ELAVL4: variants seen among roughly 807,000 people sequenced by gnomAD.
ELAVL4 encodes the protein ELAV-like protein 4.
ELAVL4 carries 1 observed loss-of-function variant against 35.6 expected under a neutral mutation model. The ratio of observed to expected loss-of-function variants is 0.03; its 90% CI spans 0.01 to 0.13. The LOEUF (loss-of-function observed/expected upper bound fraction) is 0.13, where lower values mean the gene tolerates loss of function less well. Ranked by LOEUF, ELAVL4 falls within the 10% of genes least tolerant of loss-of-function variation. The pLI is 1.00. For missense variants in ELAVL4, 267 were observed against 464.9 expected, an observed-to-expected ratio of 0.57 and a Z score of 3.91; for synonymous variants, 156 against 171.0, an observed-to-expected ratio of 0.91 and a Z score of 0.69.
At chr1:50,116,411 TGC>T (rs34730064) in intron 1 of ELAVL4, among the ~76,000 whole-genome samples, 21,932 of 93,422 alleles carry the variant, frequency 0.23, 1,783 homozygotes, top group East Asian at 0.57. Flanking sequence ...TGTGTGTGTG[TGC>T]GTGTGTGTGT....
At chr1:50,109,982 G>T in intron 1 of ELAVL4, 1 of 1,612,072 alleles carries the variant, frequency 6.2e-7, no homozygotes, top group Non-Finnish European at 8.5e-7. Flanking sequence ...AAAAGAGGAA[G>T]GCAGCCTGGA....
At chr1:50,196,976 T>C (rs2480681) in intron 5 of ELAVL4, among the ~76,000 whole-genome samples, 3,148 of 152,316 alleles carry the variant, frequency 0.021, 106 homozygotes, top group African/African-American at 0.07. Flanking sequence ...TAAGATGATT[T>C]AGTTAATGTA....
intron 2 of ELAVL4, among the ~76,000 whole-genome samples, chr1:50,146,620 C>G (rs377754886): frequency 6.6e-6 from 1 of 152,100 alleles, no homozygotes; most frequent in Middle Eastern, 3.2e-3. Flanking sequence ...TATCTTGTAC[C>G]AGAGCACTGG....
intron 1 of ELAVL4, among the ~76,000 whole-genome samples, chr1:50,085,991 C>T (rs892006104): frequency 9.9e-5 from 15 of 152,104 alleles, no homozygotes; most frequent in Non-Finnish European, 1.9e-4. Flanking sequence ...TTTGGGGTAA[C>T]TGTTCATGTG....
intron 1 of ELAVL4, among the ~76,000 whole-genome samples, chr1:50,131,845 G>C (rs980154825): frequency 6.8e-6 from 1 of 147,392 alleles, no homozygotes; most frequent in African/African-American, 2.5e-5. Flanking sequence ...GGGAAACTAA[G>C]AGGATTTTAA....
intron 1 of ELAVL4, among the ~76,000 whole-genome samples, chr1:50,113,772 C>T (rs532363008): frequency 5.3e-5 from 8 of 152,198 alleles, no homozygotes; most frequent in South Asian, 4.1e-4. Flanking sequence ...ACTATCCATT[C>T]CCCCATCCAT....
intron 1 of ELAVL4, among the ~76,000 whole-genome samples, chr1:50,082,446 T>C (rs1665049783): frequency 6.6e-6 from 1 of 152,248 alleles, no homozygotes; most frequent in Non-Finnish European, 1.5e-5. Context: ...CCTTTTTTCA[T>C]ATGTTTGTTG....
At chr1:50,119,036 AAAAGAAAGAAAGAAAG>A (rs531184149) in intron 1 of ELAVL4, among the ~76,000 whole-genome samples, 2,949 of 127,234 alleles carry the variant, frequency 0.023, 51 homozygotes, top group African/African-American at 0.035. Flanking sequence ...GAAAGAAAGA[AAAAGAAAGAAAGAAAG>A]AAAGAAAGAA....
intron 2 of ELAVL4, among the ~76,000 whole-genome samples, chr1:50,165,082 T>C (rs979728427): frequency 1.3e-5 from 2 of 152,128 alleles, no homozygotes; most frequent in Non-Finnish European, 2.9e-5. Flanking sequence ...GCCACTGTAG[T>C]TTTTTCATAC....
At chr1:50,088,745 C>T (rs1665358739) in intron 1 of ELAVL4, among the ~76,000 whole-genome samples, 1 of 152,086 alleles carries the variant, frequency 6.6e-6, no homozygotes, top group Non-Finnish European at 1.5e-5. Flanking sequence ...TAGACAGGCT[C>T]CTTCAATCAC....
At chr1:50,058,869 G>C (rs1271541460) in intron 1 of ELAVL4, among the ~76,000 whole-genome samples, 1 of 152,108 alleles carries the variant, frequency 6.6e-6, no homozygotes, top group East Asian at 1.9e-4. Flanking sequence ...TTCCCAAAGT[G>C]CTGGGATTAC....
chr1:50,164,971 T>C (rs766644073), intron 2 of ELAVL4, among the ~76,000 whole-genome samples: 1 of 152,184 alleles, frequency 6.6e-6, no homozygotes, highest in Non-Finnish European at 1.5e-5. Flanking sequence ...TGTTCCCATG[T>C]TGCTCCCAGT....
chr1:50,070,358 G>A (rs1664457192), intron 1 of ELAVL4, among the ~76,000 whole-genome samples: 1 of 152,136 alleles, frequency 6.6e-6, no homozygotes, highest in Non-Finnish European at 1.5e-5. Context: ...TAGGGAGAAT[G>A]GGGTCCTCTA....
intron 1 of ELAVL4, among the ~76,000 whole-genome samples, chr1:50,112,602 A>T (rs1324017287): frequency 6.6e-6 from 1 of 152,172 alleles, no homozygotes; most frequent in Non-Finnish European, 1.5e-5. Flanking sequence ...ATCATTTAAT[A>T]TTTAAATTTT....
At chr1:50,109,846 G>T in intron 1 of ELAVL4, 1 of 1,531,040 alleles carries the variant, frequency 6.5e-7, no homozygotes, top group Non-Finnish European at 8.9e-7. Context: ...TCCTTCTCTG[G>T]GCAGCAGCTC....
chr1:50,127,161 T>C (rs1305644734), intron 1 of ELAVL4, among the ~76,000 whole-genome samples: 2 of 152,254 alleles, frequency 1.3e-5, no homozygotes, highest in African/African-American at 4.8e-5. Context: ...TGTCCCCGTG[T>C]GCTCTGCCTC....
chr1:50,115,444 A>G lies in ELAVL4; in HGVS notation c.9+6246A>G, dbSNP rs1393640179. ...ATGGGATTTTTTTAATGAAAAAAATATATATGTCTTAGGTCTCTCCTGAAA... is the reference window on the plus strand; with the variant it reads ...ATGGGATTTTTTTAATGAAAAAAATGTATATGTCTTAGGTCTCTCCTGAAA... On this transcript the variant is annotated intron_variant, in intron 1 of 6. Transcript: ENST00000371824. Among the ~76,000 whole-genome samples, 4 of 152,130 alleles carry G rather than the reference A, an allele frequency of 2.6e-5. No individual in the cohort carries two copies. The South Asian group carries it at 6.2e-4, about 24-fold the overall frequency.
At chr1:50,113,063 G>C (rs755484513) in intron 1 of ELAVL4, among the ~76,000 whole-genome samples, 1 of 152,028 alleles carries the variant, frequency 6.6e-6, no homozygotes, top group South Asian at 2.1e-4. Flanking sequence ...TTTCTATTAG[G>C]TATAAGCTAT....
chr1:50,138,873 T>C (rs187797653), intron 1 of ELAVL4, among the ~76,000 whole-genome samples: 15 of 152,242 alleles, frequency 9.9e-5, no homozygotes, highest in African/African-American at 3.6e-4. Flanking sequence ...TTAATGGGTA[T>C]AGAGTTTCAG....
Sources: gnomAD v4.1 joint callset for allele counts (sites outside exome capture counted in the v4.1 genomes callset) on GRCh38, gnomAD v4.1.1 for gene constraint, MANE v1.5 for transcripts, NCBI Gene and HGNC (gene_info 2026-07-23, HGNC 2026-07-21) for gene names.